Variants in SERINC1 observed in about 807,000 individuals in gnomAD.
SERINC1 encodes the protein tumor differentially expressed protein 2.
SERINC1 carries 38 observed loss-of-function variants against 52.9 expected under a neutral mutation model. The observed-to-expected ratio is 0.72, with a 90% CI of 0.55 to 0.94. The LOEUF (loss-of-function observed/expected upper bound fraction) is 0.94. SERINC1 is among the 40% of genes least tolerant of loss of function. The pLI, the probability that SERINC1 is intolerant of heterozygous loss-of-function variation, is 0.00. For missense variants in SERINC1, 471 were observed against 533.9 expected, an observed-to-expected ratio of 0.88 and a Z score of 1.16; for synonymous variants, 198 against 183.1, an observed-to-expected ratio of 1.08 and a Z score of -0.66.
intron 1 of SERINC1, among the ~76,000 whole-genome samples, chr6:122,463,713 G>C (rs889459445): frequency 1.3e-5 from 2 of 152,106 alleles, no homozygotes; most frequent in African/African-American, 4.8e-5. Flanking sequence ...CAAGAATGCA[G>C]AGCAACTAGA....
intron 9 of SERINC1, 55 bp downstream of exon 9, chr6:122,446,719 A>G (rs961490036): frequency 8.5e-7 from 1 of 1,177,732 alleles, no homozygotes; most frequent in South Asian, 1.3e-5. Flanking sequence ...TCACAAGAGA[A>G]TCATAAAATG....
At chr6:122,453,121 T>C (rs979632769) in intron 5 of SERINC1, among the ~76,000 whole-genome samples, 2 of 152,312 alleles carry the variant, frequency 1.3e-5, no homozygotes, top group African/African-American at 4.8e-5. Context: ...CTCCAATTCA[T>C]TGTAGTCTAT....
chr6:122,453,218 A>G (rs931015614), intron 5 of SERINC1, among the ~76,000 whole-genome samples: 1 of 152,094 alleles, frequency 6.6e-6, no homozygotes, highest in Non-Finnish European at 1.5e-5. Flanking sequence ...TTGAATTGGG[A>G]TATCTGTTTT....
At chr6:122,462,737 A>G (rs1022605945) in intron 1 of SERINC1, among the ~76,000 whole-genome samples, 1 of 152,250 alleles carries the variant, frequency 6.6e-6, no homozygotes, top group Non-Finnish European at 1.5e-5. Context: ...TATTAGTAAT[A>G]ACTGAAAACA....
intron 5 of SERINC1, among the ~76,000 whole-genome samples, chr6:122,453,199 T>C (rs996313641): frequency 2.6e-5 from 4 of 152,158 alleles, no homozygotes; most frequent in African/African-American, 9.7e-5. Context: ...GGTTTGGCCC[T>C]GTAAGCATTT....
chr6:122,457,795 TA>T (rs1337160067), intron 2 of SERINC1, among the ~76,000 whole-genome samples: 3 of 114,866 alleles, frequency 2.6e-5, no homozygotes, highest in Non-Finnish European at 5.4e-5. Flanking sequence ...CTGAACTGAG[TA>T]AGACATACAT....
chr6:122,456,001 TAAGC>T (rs1017506455), intron 3 of SERINC1, among the ~76,000 whole-genome samples: 5 of 152,102 alleles, frequency 3.3e-5, no homozygotes, highest in African/African-American at 1.2e-4. Context: ...TATAACTAGA[TAAGC>T]AACAGCAGAT....
intron 3 of SERINC1, chr6:122,454,480 G>T: frequency 2.8e-6 from 1 of 363,284 alleles, no homozygotes; most frequent in Non-Finnish European, 5.1e-6. Context: ...TTATATTATA[G>T]ATCTTTCCAA....
chr6:122,445,473 G>A (rs1433793182), intron 9 of SERINC1, among the ~76,000 whole-genome samples: 2 of 152,116 alleles, frequency 1.3e-5, no homozygotes, highest in Non-Finnish European at 2.9e-5. Flanking sequence ...GGAACTGAAT[G>A]TGACCTCTGG....
chr6:122,465,149 G>T (rs1200261639), intron 1 of SERINC1, among the ~76,000 whole-genome samples: 2 of 152,106 alleles, frequency 1.3e-5, no homozygotes, highest in Admixed American at 1.3e-4. Flanking sequence ...CTACGAAGTA[G>T]TAACAACCTT....
chr6:122,464,011 T>C (rs934228396), intron 1 of SERINC1, among the ~76,000 whole-genome samples: 1 of 152,042 alleles, frequency 6.6e-6, no homozygotes, highest in Admixed American at 6.6e-5. Flanking sequence ...AATAAAAACA[T>C]ACGGAGAATG....
chr6:122,447,273 A>G lies in SERINC1; in HGVS notation c.851-8T>C, dbSNP rs1282405959. The G allele has an allele frequency of 6.3e-7, 1 of 1,586,086 alleles. No individual in the cohort carries two copies. Among genetic ancestry groups the G allele is most frequent in the Non-Finnish European group, 8.6e-7 (1 of 1,161,356 alleles). ...TTGGGTTGCAATTTGTTTCTGTAAT[A>G]TAAAGCCAAATTAAAATGTTAGAAT... On this transcript the variant is annotated splice_polypyrimidine_tract_variant and splice_region_variant and intron_variant, in intron 7 of 9. Coordinates refer to ENST00000339697, the MANE Select transcript of SERINC1 (RefSeq NM_020755.4).
intron 1 of SERINC1, among the ~76,000 whole-genome samples, chr6:122,468,787 A>C (rs1326487769): frequency 1.3e-5 from 2 of 152,212 alleles, no homozygotes; most frequent in Admixed American, 6.5e-5. Context: ...CACTGTATTA[A>C]CAAAAATTTA....
intron 1 of SERINC1, among the ~76,000 whole-genome samples, chr6:122,462,277 G>A (rs971384621): frequency 2.2e-4 from 34 of 152,252 alleles, no homozygotes; most frequent in African/African-American, 6.7e-4. Flanking sequence ...AATTAATGAC[G>A]AAAGTCTGAA....
At chr6:122,455,666 G>A (rs1158285178) in intron 3 of SERINC1, among the ~76,000 whole-genome samples, 1 of 152,016 alleles carries the variant, frequency 6.6e-6, no homozygotes, top group East Asian at 1.9e-4. Flanking sequence ...TTGATTATCA[G>A]AAAAAACAAC....
Position 122,452,017 on chromosome 6 carries a change from T to C in SERINC1, c.630A>G (p.Leu210=). 6.3e-7 allele frequency: 1 copy of C among 1,575,954 alleles called. No individual in the cohort carries two copies. Among genetic ancestry groups the C allele is most frequent in the Non-Finnish European group, 8.6e-7 (1 of 1,162,602 alleles). The change falls in exon 6 of 10, where the codon TTA becomes TTG. Residue 210 remains leucine (L), a synonymous_variant. Transcript: ENST00000339697. ...AGACAAAGAACAGGACGATAGCAAC[T>C]AAAGACAGCAGATAATTCAGAGCTG... The part of the protein sequence containing the change: ...SATALNYLLS[L]VAIVLFFVYY...
rs536292960 is a variant in SERINC1 at position 122,445,103 on chromosome 6, C to A, written c.1303G>T (p.Val435Leu). 8 of 1,614,084 alleles carry A rather than the reference C, an allele frequency of 5.0e-6. No homozygotes were observed. The East Asian group carries it at 1.6e-4, about 31-fold the overall frequency. The stretch of plus-strand genomic sequence containing the variant: ...GCCACGAGTGTCCAAACATACAGCA[C>A]GATGCCAATCCAACTGGAAGAGATT... ...VKISSSWIGI[V>L]LYVWTLVAPL... is the part of the protein sequence containing the mutation. Residue 435 changes from valine to leucine, a missense_variant, in exon 10 of 10, where the codon GTG becomes TTG. Coordinates refer to ENST00000339697, the MANE Select transcript of SERINC1 (RefSeq NM_020755.4).
chr6:122,464,597 G>C (rs992964793), intron 1 of SERINC1, among the ~76,000 whole-genome samples: 1 of 152,128 alleles, frequency 6.6e-6, no homozygotes, highest in East Asian at 1.9e-4. Context: ...AAGGAAATTC[G>C]TATACTATAT....
Position 122,444,813 on chromosome 6 carries a change from T to G in SERINC1, c.*231A>C. 2.1e-6 allele frequency: 1 copy of G among 484,238 alleles called. No homozygotes were observed. The highest frequency in any genetic ancestry group is 3.6e-6 in the Non-Finnish European group (1 of 274,386). The allele number at this position is 484,238 out of a possible 1,614,324, so 30.0% of individuals were successfully genotyped here. A position where few individuals can be genotyped will look rare whatever the true frequency, so the allele number is the denominator to read the frequency against. ...AGAATAAGCCCAATAATGGCCACTT[T>G]TACTAACTCATCACCATATTCATAA... On this transcript the variant is annotated 3_prime_UTR_variant, in exon 10 of 10. Coordinates refer to ENST00000339697, the MANE Select transcript of SERINC1 (RefSeq NM_020755.4).
Sources: gnomAD v4.1 joint callset for allele counts (sites outside exome capture counted in the v4.1 genomes callset) on GRCh38, gnomAD v4.1.1 for gene constraint, MANE v1.5 for transcripts, NCBI Gene and HGNC (gene_info 2026-07-23, HGNC 2026-07-21) for gene names.